CNTNAP2: variants seen among roughly 807,000 people sequenced by gnomAD.
CNTNAP2 encodes contactin associated protein 2.
In CNTNAP2, 98 loss-of-function variants were observed where a neutral mutation model predicts 155.2. That is an observed-to-expected ratio of 0.63 (90% CI 0.54 to 0.75). The LOEUF (loss-of-function observed/expected upper bound fraction) is 0.75, where lower values mean the gene tolerates loss of function less well. CNTNAP2 is among the 30% of genes least tolerant of loss of function. The pLI is 0.00. For missense variants in CNTNAP2, 1,727 were observed against 1,688.1 expected (o/e 1.02, Z -0.40); for synonymous variants, 651 against 631.2 (o/e 1.03, Z -0.47).
intron 4 of CNTNAP2, among the ~76,000 whole-genome samples, chr7:147,093,546 T>A (rs1414938443): frequency 6.6e-6 from 1 of 152,166 alleles, no homozygotes; most frequent in African/African-American, 2.4e-5. Flanking sequence ...AGGGGAAGTA[T>A]AGGTTTAGGT....
intron 8 of CNTNAP2, among the ~76,000 whole-genome samples, chr7:147,262,601 G>A (rs1804502044): frequency 2.6e-5 from 4 of 152,192 alleles, no homozygotes; most frequent in South Asian, 2.1e-4. Context: ...TCAGGAGATC[G>A]AGACCATCCT....
In CNTNAP2 at chr7:146,726,063, A is replaced by G. The variant is rs187296112; in HGVS notation, c.98-48208A>G. Reference sequence around the variant, plus strand: ...CAACATACTTTGGGTGGACACAATAAGGACCAGTGGCTATACTTCAGGGGT... The same window carrying G: ...CAACATACTTTGGGTGGACACAATAGGGACCAGTGGCTATACTTCAGGGGT... On this transcript the variant is annotated intron_variant, in intron 1 of 23. Transcript: ENST00000361727. Among the ~76,000 whole-genome samples, 278 of 152,320 alleles carry G rather than the reference A, an allele frequency of 1.8e-3. 3 individuals carry two copies. The highest frequency in any genetic ancestry group is 6.5e-3 in the African/African-American group (269 of 41,578).
rs537384236 is a variant in CNTNAP2, at chr7:147,848,319, G to A, written c.2099-55246G>A. ...TCGTGGTGCGCCGTTTCTTAAGCCGGTCTGAAAAGTGCAATATTCGGGTGG... is the reference window on the plus strand; with the variant it reads ...TCGTGGTGCGCCGTTTCTTAAGCCGATCTGAAAAGTGCAATATTCGGGTGG... On this transcript the variant is annotated intron_variant, in intron 13 of 23. Coordinates refer to ENST00000361727, the MANE Select transcript of CNTNAP2 (RefSeq NM_014141.6). Among the ~76,000 whole-genome samples the A allele has an allele frequency of 2.7e-5, 4 of 150,222 alleles. No individual in the cohort carries two copies. The South Asian group carries it at 8.5e-4, about 32-fold the overall frequency.
chr7:147,635,201 T>A (rs1442409714), intron 12 of CNTNAP2, among the ~76,000 whole-genome samples: 2 of 150,866 alleles, frequency 1.3e-5, no homozygotes, highest in Non-Finnish European at 2.9e-5. Flanking sequence ...TATATATATA[T>A]GTTTAATTTT....
chr7:146,218,569 A>C (rs1207091971), intron 1 of CNTNAP2, among the ~76,000 whole-genome samples: 3 of 152,096 alleles, frequency 2.0e-5, no homozygotes, highest in African/African-American at 7.2e-5. Flanking sequence ...GGTTAAAATA[A>C]ATAAACGAAA....
At chr7:146,720,271 C>A (rs1801262664) in intron 1 of CNTNAP2, among the ~76,000 whole-genome samples, 1 of 152,090 alleles carries the variant, frequency 6.6e-6, no homozygotes, top group Admixed American at 6.6e-5. Context: ...ACAGTTTCTC[C>A]AGCCCCATTT....
rs563496916 is a variant in CNTNAP2 at position 146,238,444 on chromosome 7, C to T, written c.97+121471C>T. Reference sequence around the variant, plus strand: ...TTGGAATGAGAGCAGGAAAAATGTCCGAAGTTTGGACAGGGAGCAAAGAAA... The same window carrying T: ...TTGGAATGAGAGCAGGAAAAATGTCTGAAGTTTGGACAGGGAGCAAAGAAA... On this transcript the variant is annotated intron_variant, in intron 1 of 23. Transcript: ENST00000361727. Among the ~76,000 whole-genome samples the T allele has an allele frequency of 1.3e-4, 19 of 151,886 alleles. 1 individual carries two copies. The South Asian group carries it at 2.7e-3, about 22-fold the overall frequency.
intron 1 of CNTNAP2, among the ~76,000 whole-genome samples, chr7:146,717,412 C>T (rs1301756964): frequency 6.6e-6 from 1 of 150,754 alleles, no homozygotes; most frequent in African/African-American, 2.4e-5. Flanking sequence ...GCTCAGGAGG[C>T]TGAGGCATGG....
intron 3 of CNTNAP2, among the ~76,000 whole-genome samples, chr7:146,916,446 T>A (rs1270658098): frequency 1.3e-5 from 2 of 152,142 alleles, no homozygotes; most frequent in East Asian, 3.9e-4. Context: ...TGTTAATCTA[T>A]CTGGTCCTGG....
At chr7:146,282,033 A>G (rs1202211857) in intron 1 of CNTNAP2, among the ~76,000 whole-genome samples, 1 of 152,122 alleles carries the variant, frequency 6.6e-6, no homozygotes, top group Non-Finnish European at 1.5e-5. Flanking sequence ...CCTAAAATCA[A>G]AAAGTAAAGG....
At chr7:147,242,986 C>CCTTTTTTT (rs1563130639) in intron 8 of CNTNAP2, among the ~76,000 whole-genome samples, 3 of 42,160 alleles carry the variant, frequency 7.1e-5, no homozygotes, top group East Asian at 1.3e-3. Flanking sequence ...CTATGCTTTG[C>CCTTTTTTT]ATTTTTTTTT....
chr7:146,646,615 G>A (rs1799816710), intron 1 of CNTNAP2, among the ~76,000 whole-genome samples: 1 of 152,124 alleles, frequency 6.6e-6, no homozygotes. Flanking sequence ...TTCCTCTGTT[G>A]GTGGACATAT....
At chr7:148,228,331 T>C (rs1795894130) in intron 19 of CNTNAP2, among the ~76,000 whole-genome samples, 1 of 152,214 alleles carries the variant, frequency 6.6e-6, no homozygotes, top group South Asian at 2.1e-4. Flanking sequence ...TTTTCAATAT[T>C]GTTTTTTATT....
In CNTNAP2 at chr7:147,353,799, C is replaced by A. The variant is rs187453749; in HGVS notation, c.1499-41810C>A. Among the ~76,000 whole-genome samples the A allele has an allele frequency of 9.7e-4, 148 of 152,246 alleles. No homozygotes were observed. The Middle Eastern group carries it at 0.01, about 10-fold the overall frequency. ...GCGTTTATATTTCTCCACATCTTCTCCAGCATCTGTTGTTTCCTGACTTAA... is the reference window on the plus strand; with the variant it reads ...GCGTTTATATTTCTCCACATCTTCTACAGCATCTGTTGTTTCCTGACTTAA... On this transcript the variant is annotated intron_variant, in intron 9 of 23. Transcript: ENST00000361727.
At chr7:147,597,811 C>A (rs551344270) in intron 12 of CNTNAP2, among the ~76,000 whole-genome samples, 4 of 152,252 alleles carry the variant, frequency 2.6e-5, no homozygotes, top group African/African-American at 9.6e-5. Flanking sequence ...AGTTCGGAAA[C>A]GTGTGTCCTG....
chr7:146,305,739 T>A lies in CNTNAP2; in HGVS notation c.97+188766T>A, dbSNP rs562418384. 5.9e-5 allele frequency among the ~76,000 whole-genome samples: 9 copies of A among 152,184 alleles called. No individual in the cohort carries two copies. The South Asian group carries it at 1.2e-3, about 21-fold the overall frequency. ...ACATACCAGAATCTCTGGGACACAT[T>A]TAAAGCAGCGTGTAGGGGGAAATTT... On this transcript the variant is annotated intron_variant, in intron 1 of 23. Transcript: ENST00000361727.
At chr7:147,439,779 A>G (rs776782134) in intron 10 of CNTNAP2, among the ~76,000 whole-genome samples, 7 of 152,070 alleles carry the variant, frequency 4.6e-5, no homozygotes, top group Admixed American at 3.9e-4. Context: ...GGGTGCATAT[A>G]TATTTAAAAT....
At chr7:146,943,899 C>T (rs1397571346) in intron 3 of CNTNAP2, among the ~76,000 whole-genome samples, 1 of 152,086 alleles carries the variant, frequency 6.6e-6, no homozygotes, top group Non-Finnish European at 1.5e-5. Flanking sequence ...TAGGAGGATA[C>T]TGACAACACC....
chr7:146,611,272 G>A (rs1799131975), intron 1 of CNTNAP2, among the ~76,000 whole-genome samples: 1 of 151,926 alleles, frequency 6.6e-6, no homozygotes, highest in South Asian at 2.1e-4. Flanking sequence ...TTATTTTTTT[G>A]TCGATACAGA....
Sources: allele counts gnomAD v4.1 joint callset (sites outside exome capture counted in the v4.1 genomes callset), GRCh38; gene constraint gnomAD v4.1.1; transcripts MANE v1.5; gene names NCBI Gene and HGNC (gene_info 2026-07-23, HGNC 2026-07-21).